Variants in PRKCA observed in about 807,000 individuals in gnomAD.
The protein encoded by PRKCA is protein kinase C alpha type.
PRKCA carries 27 observed loss-of-function variants against 87.0 expected under a neutral mutation model. That is an observed-to-expected ratio of 0.31 (90% CI 0.23 to 0.43). The LOEUF (loss-of-function observed/expected upper bound fraction) is 0.43, where lower values mean the gene tolerates loss of function less well. Among genes scored for constraint, PRKCA ranks in the 20% least tolerant of loss-of-function variants. The pLI is 1.00. For missense variants in PRKCA, 518 were observed against 852.3 expected (o/e 0.61, Z 4.88); for synonymous variants, 329 against 311.1 (o/e 1.06, Z -0.61).
chr17:66,425,136 C>A (rs181933997), intron 2 of PRKCA, among the ~76,000 whole-genome samples: 1 of 152,172 alleles, frequency 6.6e-6, no homozygotes, highest in Non-Finnish European at 1.5e-5. Context: ...AGTCGTTGGT[C>A]CTGTCGCTCC....
intron 2 of PRKCA, among the ~76,000 whole-genome samples, chr17:66,351,072 C>CT (rs1191054360): frequency 3.3e-5 from 5 of 152,316 alleles, no homozygotes; most frequent in South Asian, 4.1e-4. Context: ...GGAAGAAACT[C>CT]TGAGTGGACA....
chr17:66,515,271 C>CAAAAAA (rs71367172), intron 3 of PRKCA, among the ~76,000 whole-genome samples: 25 of 96,354 alleles, frequency 2.6e-4, no homozygotes, highest in South Asian at 7.7e-4. Context: ...GACTCTGTCT[C>CAAAAAA]AAAAAAAAAA....
intron 3 of PRKCA, among the ~76,000 whole-genome samples, chr17:66,497,420 C>T (rs185100268): frequency 5.7e-4 from 86 of 151,720 alleles, no homozygotes; most frequent in Non-Finnish European, 1.0e-3. Context: ...CATTTGAACC[C>T]GCGAGGCAGA....
chr17:66,697,847 G>A (rs76680539), intron 8 of PRKCA, among the ~76,000 whole-genome samples: 9,424 of 151,544 alleles, frequency 0.062, 339 homozygotes, highest in Non-Finnish European at 0.071. Flanking sequence ...GAATGCAAGC[G>A]TATTATGTAG....
chr17:66,587,850 TATAC>T (rs1969659195), intron 3 of PRKCA, among the ~76,000 whole-genome samples: 1 of 128,220 alleles, frequency 7.8e-6, no homozygotes, highest in African/African-American at 2.8e-5. Context: ...TGTATCTACA[TATAC>T]ATATATACAT....
intron 3 of PRKCA, among the ~76,000 whole-genome samples, chr17:66,502,602 A>G (rs1916785735): frequency 1.3e-5 from 2 of 152,048 alleles, no homozygotes; most frequent in South Asian, 2.1e-4. Context: ...TTGACAGAAT[A>G]ATACCAAGCT....
intron 3 of PRKCA, among the ~76,000 whole-genome samples, chr17:66,530,573 A>G (rs893628534): frequency 2.0e-5 from 3 of 152,200 alleles, no homozygotes; most frequent in African/African-American, 7.2e-5. Flanking sequence ...AATGTTTCCC[A>G]GCATTCTCTG....
intron 2 of PRKCA, among the ~76,000 whole-genome samples, chr17:66,313,223 A>G (rs1229979235): frequency 6.6e-6 from 1 of 152,222 alleles, no homozygotes; most frequent in Non-Finnish European, 1.5e-5. Flanking sequence ...AAGAGATGTG[A>G]TACAAGCATT....
At chr17:66,534,623 C>T (rs550033309) in intron 3 of PRKCA, among the ~76,000 whole-genome samples, 3 of 152,178 alleles carry the variant, frequency 2.0e-5, no homozygotes, top group Admixed American at 6.5e-5. Flanking sequence ...GCCGAGATCA[C>T]GCCACTGCAC....
In PRKCA at chr17:66,757,571, G is replaced by GA. The variant is rs35540620; in HGVS notation, c.1524+14830dup. Among the ~76,000 whole-genome samples, 615 of 116,968 alleles carry GA rather than the reference G, an allele frequency of 5.3e-3. 4 individuals are homozygous for GA. Among genetic ancestry groups the GA allele is most frequent in the Middle Eastern group, 0.018 (4 of 224 alleles). 76.7% of individuals were successfully genotyped at this position (116,968 alleles called of 152,430 possible). A position where few individuals can be genotyped will look rare whatever the true frequency, so the allele number is the denominator to read the frequency against. ...AGTGAAATATTTAAAGCTTTGGGAG[G>GA]AAAAAAAAAAAAAAAAAAACGAACC... On this transcript the variant is annotated intron_variant, in intron 13 of 16. Coordinates refer to ENST00000413366, the MANE Select transcript of PRKCA (RefSeq NM_002737.3).
At chr17:66,666,263 G>T (rs1972039682) in intron 5 of PRKCA, among the ~76,000 whole-genome samples, 1 of 152,152 alleles carries the variant, frequency 6.6e-6, no homozygotes, top group African/African-American at 2.4e-5. Context: ...TTATAACAAG[G>T]GGATGTGATA....
chr17:66,443,022 C>T (rs1422857178), intron 2 of PRKCA, among the ~76,000 whole-genome samples: 3 of 152,174 alleles, frequency 2.0e-5, no homozygotes, highest in East Asian at 1.9e-4. Flanking sequence ...TATCATCTGA[C>T]GTTTGTGCAG....
chr17:66,691,649 G>A (rs576745567), intron 8 of PRKCA, among the ~76,000 whole-genome samples: 1 of 152,324 alleles, frequency 6.6e-6, no homozygotes, highest in South Asian at 2.1e-4. Flanking sequence ...TTTCAGGACT[G>A]AGTGCCAGCA....
chr17:66,739,226 T>C (rs1175370262), intron 11 of PRKCA, among the ~76,000 whole-genome samples: 1 of 152,168 alleles, frequency 6.6e-6, no homozygotes, highest in Non-Finnish European at 1.5e-5. Flanking sequence ...GAAAGTGGGA[T>C]TCTGCCCAGT....
At chr17:66,585,846 A>C (rs1419307519) in intron 3 of PRKCA, among the ~76,000 whole-genome samples, 1 of 152,218 alleles carries the variant, frequency 6.6e-6, no homozygotes, top group African/African-American at 2.4e-5. Context: ...GTGGGAGAAT[A>C]TGGGAAAGTA....
In PRKCA at chr17:66,786,973, G is replaced by A; in HGVS notation, c.1712G>A (p.Gly571Glu). ...AAGGAGGCTGTTTCTGTCTGCAAAGGAGTAAGTCGATTTGGATACCTTTTG... is the reference window on the plus strand; with the variant it reads ...AAGGAGGCTGTTTCTGTCTGCAAAGAAGTAAGTCGATTTGGATACCTTTTG... Reference protein sequence around the residue: ...LSKEAVSVCKGLMTKHPAKRL... With the variant: ...LSKEAVSVCKELMTKHPAKRL... The change falls in exon 15 of 17, where the codon GGA (glycine) becomes GAA (glutamate). Residue 571 changes from glycine to glutamate, a missense_variant and splice_region_variant. This residue lies in a region of PRKCA where 159 missense variants were observed against 232.4 expected (regional missense o/e 0.68). Transcript: ENST00000413366. 1 of 1,589,984 alleles carries A rather than the reference G, an allele frequency of 6.3e-7. No individual in the cohort carries two copies. Among genetic ancestry groups the A allele is most frequent in the Non-Finnish European group, 8.6e-7 (1 of 1,158,130 alleles).
chr17:66,653,053 A>T (rs1461350639), intron 5 of PRKCA, among the ~76,000 whole-genome samples: 2 of 152,172 alleles, frequency 1.3e-5, no homozygotes, highest in African/African-American at 4.8e-5. Flanking sequence ...GTCACTGACC[A>T]TTTCCTTAGA....
rs191836442 is a variant in PRKCA at position 66,354,515 on chromosome 17, G to T, written c.205+48388G>T. 1.3e-3 allele frequency among the ~76,000 whole-genome samples: 192 copies of T among 152,202 alleles called. 1 individual carries two copies. Among genetic ancestry groups the T allele is most frequent in the African/African-American group, 4.2e-3 (175 of 41,518 alleles). ...GTCTCTGTCATTTGGAGTATATTTTGAAAATAGAAGATTAAAACCCCTCTT... is the reference window on the plus strand; with the variant it reads ...GTCTCTGTCATTTGGAGTATATTTTTAAAATAGAAGATTAAAACCCCTCTT... On this transcript the variant is annotated intron_variant, in intron 2 of 16. Coordinates refer to ENST00000413366, the MANE Select transcript of PRKCA (RefSeq NM_002737.3).
intron 3 of PRKCA, among the ~76,000 whole-genome samples, chr17:66,559,004 C>T (rs1004822326): frequency 6.6e-6 from 1 of 152,174 alleles, no homozygotes; most frequent in Non-Finnish European, 1.5e-5. Context: ...AGCACCTGTG[C>T]TTGCCATCCC....
Sources: allele counts gnomAD v4.1 joint callset (sites outside exome capture counted in the v4.1 genomes callset), GRCh38; gene constraint gnomAD v4.1.1; regional missense constraint gnomAD v4.1.1; transcripts MANE v1.5; gene names NCBI Gene and HGNC (gene_info 2026-07-23, HGNC 2026-07-21).